Variants in ZNF254 observed in about 807,000 individuals in gnomAD.
The protein encoded by ZNF254 is CTD-2017D11.1.
In ZNF254, 10 loss-of-function variants were observed where a neutral mutation model predicts 12.4. The ratio of observed to expected loss-of-function variants is 0.80; its 90% confidence interval spans 0.50 to 1.36. The LOEUF is 1.36. Among genes scored for constraint, ZNF254 ranks in the 40% most tolerant of loss-of-function variants. The pLI, the probability that ZNF254 is intolerant of heterozygous loss-of-function variation, is 0.00. For missense variants in ZNF254, 996 were observed against 763.9 expected, an observed-to-expected ratio of 1.30 and a Z score of -3.58; for synonymous variants, 305 against 253.4, an observed-to-expected ratio of 1.20 and a Z score of -1.93.
chr19:24,101,462 T>G (rs948186618), intron 1 of ZNF254, among the ~76,000 whole-genome samples: 13 of 152,224 alleles, frequency 8.5e-5, no homozygotes, highest in Non-Finnish European at 1.9e-4. Flanking sequence ...TACAGTTATG[T>G]GAGAGGCTCC....
intron 3 of ZNF254, among the ~76,000 whole-genome samples, chr19:24,110,743 T>A (rs1268476384): frequency 1.3e-5 from 2 of 152,122 alleles, no homozygotes; most frequent in Admixed American, 6.6e-5. Context: ...TTTTTATGAG[T>A]GTAATTACTT....
intron 3 of ZNF254, among the ~76,000 whole-genome samples, chr19:24,108,971 C>T (rs771946626): frequency 1.1e-4 from 16 of 152,100 alleles, no homozygotes; most frequent in Admixed American, 3.3e-4. Context: ...CTGGCTAACA[C>T]GATGAAACCC....
rs1568477530 is a variant in ZNF254 at position 24,126,852 on chromosome 19, T to G, written c.852T>G (p.His284Gln). Reference sequence around the variant, plus strand: ...ATCGATCCTCAAATCTTACTACACATAAGATAATTCATACTGGAGAGAAAC... The same window carrying G: ...ATCGATCCTCAAATCTTACTACACAGAAGATAATTCATACTGGAGAGAAAC... ...AFNRSSNLTT[H>Q]KIIHTGEKPY... Residue 284 changes from histidine to glutamine, a missense_variant, in exon 4 of 4, where the codon CAT becomes CAG. By Grantham distance (24) the His-to-Gln change is conservative (BLOSUM62 0). Coordinates refer to ENST00000357002, the MANE Select transcript of ZNF254 (RefSeq NM_203282.4). 6.2e-7 allele frequency: 1 copy of G among 1,613,434 alleles called. No individual in the cohort carries two copies. The highest frequency in any genetic ancestry group is 8.5e-7 in the Non-Finnish European group (1 of 1,179,792).
intron 1 of ZNF254, among the ~76,000 whole-genome samples, chr19:24,098,239 A>G (rs1402898054): frequency 6.6e-6 from 1 of 152,214 alleles, no homozygotes; most frequent in Non-Finnish European, 1.5e-5. Flanking sequence ...TAATTTAACC[A>G]ATAGGGATAA....
At chr19:24,079,914 C>A (rs1334173266) in intron 2 of ZNF254, 3 of 152,104 alleles carry the variant, frequency 2.0e-5, no homozygotes, top group Non-Finnish European at 2.9e-5. Flanking sequence ...AAAGGTTAAG[C>A]AACTTTCTCA....
chr19:24,062,845 G>GCAAA (rs1971127949), intron 2 of ZNF254, among the ~76,000 whole-genome samples: 1 of 152,166 alleles, frequency 6.6e-6, no homozygotes, highest in East Asian at 1.9e-4. Context: ...TTGTTACCGA[G>GCAAA]GCTGGAGAGC....
At position 24,106,222 on chromosome 19, in the gene ZNF254, T is replaced by G. The variant is rs961384918; in HGVS notation, c.157+156T>G. ...AGGAATTTCTTCAAGATGTTTCATC[T>G]TGACCTGAACTTTCCACATTCCTGA... On this transcript the variant is annotated intron_variant, in intron 2 of 3. Coordinates refer to ENST00000357002, the MANE Select transcript of ZNF254 (RefSeq NM_203282.4). 7 of 1,062,952 alleles carry G rather than the reference T, an allele frequency of 6.6e-6. No individual in the cohort carries two copies. In the African/African-American group the frequency reaches 1.1e-4, roughly 17 times the overall value. The allele number at this position is 1,062,952 out of a possible 1,614,324, so 65.8% of individuals were successfully genotyped here.
upstream of ZNF254, chr19:24,087,091 G>A (rs1043380453): frequency 2.3e-5 from 12 of 531,354 alleles, no homozygotes; most frequent in Non-Finnish European, 4.1e-5. Context: ...GAGTAGGCGG[G>A]GCCTTAAACG....
At chr19:24,065,693 A>T (rs1971244280) in intron 2 of ZNF254, 1 of 117,074 alleles carries the variant, frequency 8.5e-6, no homozygotes. Flanking sequence ...CGGTGATTTG[A>T]CTCTCCCTTT....
At chr19:24,062,909 TCCTG>T (rs1455572936) in intron 2 of ZNF254, among the ~76,000 whole-genome samples, 1 of 152,154 alleles carries the variant, frequency 6.6e-6, no homozygotes, top group Non-Finnish European at 1.5e-5. Flanking sequence ...CAAGTGATTC[TCCTG>T]CCTCAGCCTC....
At chr19:24,070,861 C>T (rs1182582898) in intron 2 of ZNF254, among the ~76,000 whole-genome samples, 1 of 152,194 alleles carries the variant, frequency 6.6e-6, no homozygotes, top group East Asian at 1.9e-4. Flanking sequence ...CTGGTCCCTG[C>T]ACCCAGGTAA....
At chr19:24,117,487 A>G (rs1047552248) in intron 3 of ZNF254, among the ~76,000 whole-genome samples, 2 of 151,992 alleles carry the variant, frequency 1.3e-5, no homozygotes, top group African/African-American at 4.8e-5. Flanking sequence ...TGGGCGTAGG[A>G]CCCTCCGAGC....
At chr19:24,041,278 G>A (rs886644260) in intron 1 of ZNF254, among the ~76,000 whole-genome samples, 11 of 152,350 alleles carry the variant, frequency 7.2e-5, no homozygotes, top group Admixed American at 5.2e-4. Context: ...GGCCAAGGCC[G>A]GAGCCCACTC....
At chr19:24,085,514 A>G (rs1972006676), upstream of ZNF254, among the ~76,000 whole-genome samples, 2 of 148,388 alleles carry the variant, frequency 1.3e-5, no homozygotes, top group East Asian at 2.0e-4. Context: ...CTGTAATCCC[A>G]ACACCCAACA....
At chr19:24,070,341 C>A (rs1971438146) in intron 2 of ZNF254, among the ~76,000 whole-genome samples, 1 of 152,200 alleles carries the variant, frequency 6.6e-6, no homozygotes, top group South Asian at 2.1e-4. Context: ...GTTTTCACAA[C>A]CAGTCAACAG....
intron 1 of ZNF254, chr19:24,105,355 TAAA>T: frequency 4.8e-6 from 1 of 206,322 alleles, no homozygotes; most frequent in Admixed American, 6.5e-5. Flanking sequence ...CTAGAAAAAC[TAAA>T]AAAAAAAACA....
intron 2 of ZNF254, among the ~76,000 whole-genome samples, chr19:24,071,244 C>T (rs1472844450): frequency 6.6e-6 from 1 of 152,204 alleles, no homozygotes; most frequent in Non-Finnish European, 1.5e-5. Flanking sequence ...TTTGCTCCTT[C>T]CTGGGCCCTG....
chr19:24,076,280 A>C (rs1599650676), intron 2 of ZNF254, among the ~76,000 whole-genome samples: 1 of 152,202 alleles, frequency 6.6e-6, no homozygotes, highest in Non-Finnish European at 1.5e-5. Flanking sequence ...AGAAATTATA[A>C]AAGTATGAAT....
At chr19:24,058,627 C>T (rs566755269) in intron 2 of ZNF254, among the ~76,000 whole-genome samples, 130 of 152,030 alleles carry the variant, frequency 8.6e-4, no homozygotes, top group Middle Eastern at 3.4e-3. Context: ...AGGCTGGTCT[C>T]GAACTCCTGA....
Sources: gnomAD v4.1 joint callset for allele counts (sites outside exome capture counted in the v4.1 genomes callset) on GRCh38, gnomAD v4.1.1 for gene constraint, MANE v1.5 for transcripts, NCBI Gene and HGNC (gene_info 2026-07-23, HGNC 2026-07-21) for gene names.